CNTN5: variants seen among roughly 807,000 people sequenced by gnomAD.
CNTN5 encodes the protein contactin 5, also known as contactin-5.
Under a neutral mutation model 129.1 loss-of-function variants are expected in CNTN5, and 77 were observed. The observed-to-expected ratio is 0.60, with a 90% CI of 0.50 to 0.72. The LOEUF (loss-of-function observed/expected upper bound fraction) is 0.72. Ranked by LOEUF, CNTN5 falls within the 30% of genes least tolerant of loss-of-function variation. The pLI is 0.00. For synonymous variants in CNTN5, 509 were observed against 465.6 expected (o/e 1.09, Z -1.20); for missense variants, 1,478 against 1,328.8 (o/e 1.11, Z -1.75).
chr11:99,517,037 T>A (rs76569458), intron 2 of CNTN5, among the ~76,000 whole-genome samples: 10,013 of 152,172 alleles, frequency 0.066, 362 homozygotes, highest in African/African-American at 0.098. Context: ...TAAATCTGTT[T>A]GAATTCCTGC....
chr11:100,324,895 T>C (rs969878227), intron 21 of CNTN5, among the ~76,000 whole-genome samples: 3 of 152,176 alleles, frequency 2.0e-5, no homozygotes, highest in Admixed American at 1.3e-4. Flanking sequence ...ATGTAACTCA[T>C]TAAATTGCAT....
intron 3 of CNTN5, among the ~76,000 whole-genome samples, chr11:99,812,301 C>G (rs1946452124): frequency 1.3e-5 from 2 of 152,050 alleles, no homozygotes; most frequent in Admixed American, 1.3e-4. Context: ...CCTTTCTGCT[C>G]TTCACTTTTT....
intron 3 of CNTN5, among the ~76,000 whole-genome samples, chr11:99,616,054 C>T (rs192721139): frequency 6.6e-6 from 1 of 152,178 alleles, no homozygotes; most frequent in Admixed American, 6.5e-5. Flanking sequence ...ACATGTTCTA[C>T]ACCTGTTCTG....
chr11:100,121,733 A>G (rs1407305915), intron 13 of CNTN5, among the ~76,000 whole-genome samples: 1 of 152,108 alleles, frequency 6.6e-6, no homozygotes, highest in East Asian at 1.9e-4. Context: ...AGTGAATAAA[A>G]TAGAGAGTCT....
chr11:99,229,737 T>C (rs536136248), intron 1 of CNTN5, among the ~76,000 whole-genome samples: 1 of 152,194 alleles, frequency 6.6e-6, no homozygotes, highest in African/African-American at 2.4e-5. Flanking sequence ...AGGAAACATT[T>C]ACCAAGACTT....
intron 13 of CNTN5, among the ~76,000 whole-genome samples, chr11:100,133,643 G>A (rs985522034): frequency 2.6e-5 from 4 of 152,164 alleles, no homozygotes; most frequent in African/African-American, 9.6e-5. Flanking sequence ...GTGGCCATAT[G>A]CCTCTTCTTC....
chr11:99,641,841 A>G (rs931404045), intron 3 of CNTN5, among the ~76,000 whole-genome samples: 3 of 152,152 alleles, frequency 2.0e-5, no homozygotes, highest in South Asian at 2.1e-4. Context: ...TAAATACATA[A>G]TAGCAACAAT....
At chr11:100,076,394 G>A (rs1740917989) in intron 13 of CNTN5, among the ~76,000 whole-genome samples, 1 of 151,810 alleles carries the variant, frequency 6.6e-6, no homozygotes, top group Non-Finnish European at 1.5e-5. Context: ...AAAAAATTAG[G>A]GTGGAACCTC....
intron 15 of CNTN5, among the ~76,000 whole-genome samples, chr11:100,204,483 A>G (rs924848565): frequency 2.7e-5 from 4 of 149,794 alleles, no homozygotes; most frequent in Non-Finnish European, 5.9e-5. Flanking sequence ...CATGAAAAGA[A>G]AGAGAGAAGA....
intron 3 of CNTN5, among the ~76,000 whole-genome samples, chr11:99,768,340 T>G (rs1944827150): frequency 6.6e-6 from 1 of 152,152 alleles, no homozygotes; most frequent in South Asian, 2.1e-4. Flanking sequence ...CTTCAGCATG[T>G]ATCTCCTAAG....
At chr11:99,306,234 G>T (rs1864868332) in intron 1 of CNTN5, among the ~76,000 whole-genome samples, 1 of 152,096 alleles carries the variant, frequency 6.6e-6, no homozygotes, top group Non-Finnish European at 1.5e-5. Context: ...CAGACAATTG[G>T]TTTAAAATCC....
chr11:99,831,559 A>C (rs1947140030), intron 4 of CNTN5, among the ~76,000 whole-genome samples: 1 of 152,142 alleles, frequency 6.6e-6, no homozygotes, highest in African/African-American at 2.4e-5. Context: ...TGGTATCACC[A>C]AGATTCAGAA....
chr11:99,083,921 C>T (rs10501900), intron 1 of CNTN5, among the ~76,000 whole-genome samples: 7,079 of 152,136 alleles, frequency 0.047, 529 homozygotes, highest in African/African-American at 0.16. Context: ...TTTCTGGCAT[C>T]GCATCCCTAG....
intron 2 of CNTN5, among the ~76,000 whole-genome samples, chr11:99,346,588 C>T (rs973663248): frequency 6.6e-6 from 1 of 152,206 alleles, no homozygotes; most frequent in Non-Finnish European, 1.5e-5. Context: ...AGTTGAACCT[C>T]ACCAGAGCAG....
chr11:99,672,981 GGT>G (rs1442319199), intron 3 of CNTN5, among the ~76,000 whole-genome samples: 3 of 152,180 alleles, frequency 2.0e-5, no homozygotes, highest in East Asian at 3.9e-4. Flanking sequence ...GGTGTTTCAT[GGT>G]GGGACACATT....
rs191145831 is a variant in CNTN5, at chr11:100,037,047, C to T, written c.981-24165C>T. Among the ~76,000 whole-genome samples the T allele has an allele frequency of 7.4e-3, 1,124 of 151,894 alleles. 12 individuals carry two copies. Among genetic ancestry groups the T allele is most frequent in the Middle Eastern group, 0.024 (7 of 294 alleles). On this transcript the variant is annotated intron_variant, in intron 9 of 24. Coordinates refer to ENST00000524871, the MANE Select transcript of CNTN5 (RefSeq NM_014361.4). ...AGAGAGGGCATCCCTGTCTTGTGCC[C>T]GTTTTCAAAGGGAATGCTTCCAGTT...
chr11:99,755,303 GTC>G (rs1459604915), intron 3 of CNTN5, among the ~76,000 whole-genome samples: 1 of 152,146 alleles, frequency 6.6e-6, no homozygotes, highest in Non-Finnish European at 1.5e-5. Context: ...TTGACAGACT[GTC>G]TTCCAAAGTG....
At chr11:100,345,454 TA>T (rs1448367342) in intron 23 of CNTN5, among the ~76,000 whole-genome samples, 2 of 152,070 alleles carry the variant, frequency 1.3e-5, no homozygotes, top group Non-Finnish European at 2.9e-5. Context: ...GGGGACACAT[TA>T]AAACCATAGC....
intron 13 of CNTN5, among the ~76,000 whole-genome samples, chr11:100,163,639 A>AC (rs748959968): frequency 2.4e-4 from 37 of 151,968 alleles, no homozygotes; most frequent in Admixed American, 4.6e-4. Context: ...CCTACTGCCT[A>AC]CCACACACTT....
Sources: gnomAD v4.1 joint callset for allele counts (sites outside exome capture counted in the v4.1 genomes callset) on GRCh38, gnomAD v4.1.1 for gene constraint, MANE v1.5 for transcripts, NCBI Gene and HGNC (gene_info 2026-07-23, HGNC 2026-07-21) for gene names.